The following SLC44A3 variants were observed in gnomAD, a reference collection of about 807,000 sequenced individuals.
SLC44A3 encodes solute carrier family 44 member 3.
In SLC44A3, 74 loss-of-function variants were observed where a neutral mutation model predicts 75.4. That is an observed-to-expected ratio of 0.98 (90% confidence interval 0.81 to 1.19). The LOEUF is 1.19. SLC44A3 is among the 50% of genes most tolerant of loss of function. The pLI, the probability that SLC44A3 is intolerant of heterozygous loss-of-function variation, is 0.00. For synonymous variants in SLC44A3, 310 were observed against 296.9 expected (o/e 1.04, Z -0.45); for missense variants, 700 against 778.6 (o/e 0.90, Z 1.20).
chr1:94,892,247 A>G (rs1294228466), intron 13 of SLC44A3, 34 bp from the exon 14 acceptor site: 9 of 1,586,668 alleles, frequency 5.7e-6, no homozygotes, highest in Non-Finnish European at 7.7e-6. Context: ...CAACTGATTC[A>G]TAAAGATTTT....
Position 94,867,314 on chromosome 1 carries a change from T to G in SLC44A3, c.1396-17T>G. 6.4e-7 allele frequency: 1 copy of G among 1,563,308 alleles called. No individual in the cohort carries two copies. The highest frequency in any genetic ancestry group is 8.7e-7 in the Non-Finnish European group (1 of 1,150,240). ...TGTTGTTTTTGACTCTGTTCCTTTG[T>G]TCTCAACCTGATCCAGCAGCATGGT... is the stretch of plus-strand genomic sequence containing the variant. On this transcript the variant is annotated splice_polypyrimidine_tract_variant and intron_variant, in intron 11 of 14. Coordinates refer to ENST00000271227, the MANE Select transcript of SLC44A3 (RefSeq NM_001114106.3).
chr1:94,893,481 A>C (rs1670441897), intron 14 of SLC44A3, among the ~76,000 whole-genome samples: 1 of 152,030 alleles, frequency 6.6e-6, no homozygotes, highest in East Asian at 1.9e-4. Flanking sequence ...CCTAGGTTCA[A>C]GCGATTCTCC....
intron 9 of SLC44A3, among the ~76,000 whole-genome samples, chr1:94,853,065 G>T (rs1665411931): frequency 6.6e-6 from 1 of 152,196 alleles, no homozygotes; most frequent in African/African-American, 2.4e-5. Context: ...AGATTAGAAT[G>T]AATGTAGATA....
chr1:94,826,637 C>CA lies in SLC44A3; in HGVS notation c.279-855dup, dbSNP rs34931563. ...TGGGTGACAGAGCGAGACTCTGTCT[C>CA]AAAAAAAAAAAAAAAGAAAGATTCA... is the stretch of plus-strand genomic sequence containing the variant. On this transcript the variant is annotated intron_variant, in intron 3 of 14. Coordinates refer to ENST00000271227, the MANE Select transcript of SLC44A3 (RefSeq NM_001114106.3). Among the ~76,000 whole-genome samples, 684 of 127,998 alleles carry CA rather than the reference C, an allele frequency of 5.3e-3. 22 individuals are homozygous for CA. In the East Asian group the frequency reaches 0.079, roughly 15 times the overall value. The allele number at this position is 127,998 out of a possible 152,430, so 84.0% of individuals were successfully genotyped here.
intron 12 of SLC44A3, among the ~76,000 whole-genome samples, chr1:94,883,938 G>A (rs1014652287): frequency 2.0e-5 from 3 of 152,132 alleles, no homozygotes; most frequent in Admixed American, 1.3e-4. Flanking sequence ...TATTCACAGA[G>A]GGGTGCTGGG....
At position 94,857,350 on chromosome 1, in the gene SLC44A3, T is replaced by A. The variant is rs1234382908; in HGVS notation, c.1088T>A (p.Met363Lys). The A allele has an allele frequency of 6.2e-7, 1 of 1,609,418 alleles. No homozygotes were observed. The highest frequency in any genetic ancestry group is 1.1e-5 in the South Asian group (1 of 89,738). The change falls in exon 10 of 15, where the codon ATG (methionine) becomes AAG (lysine). Residue 363 changes from methionine (M) to lysine (K), a missense_variant. Transcript: ENST00000271227. ...SLGTAGAAQV[M>K]EGGQVEYKPL... ...GAAACTTTAGGAGCTGCCCAGGTTA[T>A]GGAAGGCGGCCAAGTGGAATATAAG...
At chr1:94,841,243 A>G (rs1663599633) in intron 7 of SLC44A3, among the ~76,000 whole-genome samples, 1 of 152,192 alleles carries the variant, frequency 6.6e-6, no homozygotes, top group African/African-American at 2.4e-5. Flanking sequence ...ATGAACCACC[A>G]TCATATATGC....
intron 10 of SLC44A3, 77 bp downstream of exon 10, chr1:94,857,577 AT>A: frequency 1.4e-6 from 2 of 1,411,670 alleles, no homozygotes; most frequent in Non-Finnish European, 1.9e-6. Context: ...CTCAAAAGAT[AT>A]TTGGGAATGT....
Position 94,845,273 on chromosome 1 carries a change from A to T in SLC44A3, c.886-5A>T. On this transcript the variant is annotated splice_polypyrimidine_tract_variant and splice_region_variant and intron_variant, in intron 8 of 14. Transcript: ENST00000271227. ...AGTAATTTACTCAAATCCCTTTCTC[A>T]CCAGGCAGTGCTGCTCGTCTTGATT... The T allele has an allele frequency of 6.3e-7, 1 of 1,593,596 alleles. No individual in the cohort carries two copies. Among genetic ancestry groups the T allele is most frequent in the Non-Finnish European group, 8.5e-7 (1 of 1,170,150 alleles).
At chr1:94,884,469 T>A (rs957564745) in intron 12 of SLC44A3, among the ~76,000 whole-genome samples, 5 of 152,308 alleles carry the variant, frequency 3.3e-5, no homozygotes, top group African/African-American at 1.2e-4. Context: ...TCACTGTATT[T>A]TTTTTCAGTT....
intron 12 of SLC44A3, chr1:94,889,467 A>G (rs1378178131): frequency 6.6e-6 from 1 of 151,942 alleles, no homozygotes; most frequent in Non-Finnish European, 1.5e-5. Context: ...AAATGTAGTC[A>G]TAAGGGGAAG....
At chr1:94,881,856 CAAAAAAAA>C (rs11435512) in intron 12 of SLC44A3, among the ~76,000 whole-genome samples, 9 of 138,930 alleles carry the variant, frequency 6.5e-5, no homozygotes, top group South Asian at 4.7e-4. Flanking sequence ...ACTAAAAATA[CAAAAAAAA>C]AAAAAATTAG....
At chr1:94,830,588 T>C (rs1022229853) in intron 5 of SLC44A3, among the ~76,000 whole-genome samples, 3 of 152,132 alleles carry the variant, frequency 2.0e-5, no homozygotes, top group Non-Finnish European at 4.4e-5. Flanking sequence ...ATGTAAGGTA[T>C]CATAAACACA....
chr1:94,841,839 G>A lies in SLC44A3; in HGVS notation c.761-161G>A, dbSNP rs113074977. Among the ~76,000 whole-genome samples, 294 of 152,334 alleles carry A rather than the reference G, an allele frequency of 1.9e-3. 2 individuals carry two copies. Among genetic ancestry groups the A allele is most frequent in the African/African-American group, 6.6e-3 (276 of 41,568 alleles). The stretch of plus-strand genomic sequence containing the variant: ...CCTGGCTCTGCCCAGCTTCTCCAGA[G>A]GGCAGCAGTTGCTTGTAGGGTCCGG... On this transcript the variant is annotated intron_variant, in intron 7 of 14. Transcript: ENST00000271227.
intron 10 of SLC44A3, among the ~76,000 whole-genome samples, chr1:94,864,493 G>C (rs1666930447): frequency 6.6e-6 from 1 of 152,164 alleles, no homozygotes; most frequent in South Asian, 2.1e-4. Context: ...TATGAAGAGG[G>C]AAACTTTTTT....
chr1:94,856,262 C>G (rs541693575), intron 9 of SLC44A3, among the ~76,000 whole-genome samples: 5 of 152,240 alleles, frequency 3.3e-5, no homozygotes, highest in Middle Eastern at 3.4e-3. Context: ...ACTCTCACTC[C>G]GTGCTCAAAA....
intron 10 of SLC44A3, among the ~76,000 whole-genome samples, chr1:94,857,778 TA>T (rs1042054581): frequency 1.3e-4 from 20 of 149,052 alleles, no homozygotes; most frequent in African/African-American, 4.7e-4. Context: ...ACTTGAAAGA[TA>T]AAAAGGGGCT....
intron 8 of SLC44A3, among the ~76,000 whole-genome samples, chr1:94,843,783 G>A (rs1283712580): frequency 1.4e-5 from 2 of 145,974 alleles, no homozygotes; most frequent in South Asian, 2.3e-4. Context: ...GGGTGCCGTA[G>A]ATGGATTTTG....
chr1:94,871,240 C>T (rs1426417904), intron 12 of SLC44A3, among the ~76,000 whole-genome samples: 1 of 152,064 alleles, frequency 6.6e-6, no homozygotes. Context: ...TGGAGGAAGA[C>T]GGGAAAGGTG....
Sources: allele counts gnomAD v4.1 joint callset (sites outside exome capture counted in the v4.1 genomes callset), GRCh38; gene constraint gnomAD v4.1.1; transcripts MANE v1.5; gene names NCBI Gene and HGNC (gene_info 2026-07-23, HGNC 2026-07-21).